RAI1: variants seen among roughly 807,000 people sequenced by gnomAD.
RAI1 encodes retinoic acid induced 1.
In RAI1, 9 loss-of-function variants were observed where a neutral mutation model predicts 123.8. The observed-to-expected ratio is 0.07, with a 90% CI of 0.04 to 0.13. RAI1 has a LOEUF of 0.13. RAI1 is among the 10% of genes least tolerant of loss of function. The probability of loss-of-function intolerance (pLI) is 1.00; values close to 1 mark genes in which losing one functional copy is unlikely to be tolerated. For synonymous variants in RAI1, 1,231 were observed against 1,127.3 expected (o/e 1.09, Z -1.84); for missense variants, 2,256 against 2,545.8 (o/e 0.89, Z 2.45).
intron 2 of RAI1, among the ~76,000 whole-genome samples, chr17:17,734,842 G>A (rs760902541): frequency 5.3e-5 from 8 of 152,168 alleles, no homozygotes; most frequent in African/African-American, 7.2e-5. Flanking sequence ...ACACCAGCTC[G>A]CGACACCAGC....
chr17:17,686,608 T>TGTGCACGC, intron 1 of RAI1, among the ~76,000 whole-genome samples: 1 of 137,852 alleles, frequency 7.3e-6, no homozygotes, highest in African/African-American at 2.8e-5. Context: ...TGTGTGTGTG[T>TGTGCACGC]GCACGCGCGC....
At chr17:17,803,667 T>G in intron 3 of RAI1, 89 bp from the exon 4 acceptor site, 1 of 1,232,546 alleles carries the variant, frequency 8.1e-7, no homozygotes, top group South Asian at 1.2e-5. Context: ...ATTACAGGCA[T>G]GAGCCACTGC....
At chr17:17,781,882 C>A (rs1224100289) in intron 2 of RAI1, among the ~76,000 whole-genome samples, 1 of 152,082 alleles carries the variant, frequency 6.6e-6, no homozygotes, top group Non-Finnish European at 1.5e-5. Flanking sequence ...GCCCCAGCTT[C>A]GTAAATGACC....
Position 17,771,346 on chromosome 17 carries a change from C to T in RAI1, c.-16-21587C>T, listed in dbSNP as rs572721258. On this transcript the variant is annotated intron_variant, in intron 2 of 5. Coordinates refer to ENST00000353383, the MANE Select transcript of RAI1 (RefSeq NM_030665.4). ...CCATGAGCCCCTGGCCTGAGCAGGT[C>T]CATGAAAGGCCCGACTAGCTGTTCA... Among the ~76,000 whole-genome samples, 10 of 152,316 alleles carry T rather than the reference C, an allele frequency of 6.6e-5. No individual in the cohort carries two copies. In the East Asian group the frequency reaches 1.9e-3, roughly 29 times the overall value.
rs1214719967 is a variant in RAI1 at position 17,797,057 on chromosome 17, G to A, written c.4109G>A (p.Gly1370Asp). The A allele has an allele frequency of 3.7e-6, 6 of 1,613,974 alleles. No individual in the cohort carries two copies. The highest frequency in any genetic ancestry group is 5.1e-6 in the Non-Finnish European group (6 of 1,180,054). Residue 1370 changes from glycine (G) to aspartate (D), a missense_variant, in exon 3 of 6, where the codon GGT becomes GAT. Transcript: ENST00000353383. The part of the protein sequence containing the change: ...SLSDKDRGLK[G>D]AGGSPVGVEE... The stretch of plus-strand genomic sequence containing the variant: ...TCCGACAAAGACCGTGGGCTCAAGG[G>A]TGCTGGGGGCAGCCCAGTGGGGGTG...
chr17:17,742,205 C>T (rs1916658563), intron 2 of RAI1, among the ~76,000 whole-genome samples: 1 of 152,218 alleles, frequency 6.6e-6, no homozygotes. Context: ...CCAGGCAGTG[C>T]CACATGGCTT....
intron 1 of RAI1, among the ~76,000 whole-genome samples, chr17:17,708,574 A>G (rs557639955): frequency 1.3e-5 from 2 of 152,214 alleles, no homozygotes; most frequent in East Asian, 3.9e-4. Context: ...GTGCCTGGCT[A>G]GGGACTCCAT....
chr17:17,776,682 T>TG, intron 2 of RAI1: 1 of 145,570 alleles, frequency 6.9e-6, no homozygotes, highest in South Asian at 2.2e-4. Context: ...TTTTTTTTTT[T>TG]TTTGAGAGAG....
chr17:17,764,904 T>A (rs2030861565), intron 2 of RAI1, among the ~76,000 whole-genome samples: 1 of 152,276 alleles, frequency 6.6e-6, no homozygotes, highest in African/African-American at 2.4e-5. Flanking sequence ...CTTCTTTTAC[T>A]ATTTATGAGA....
chr17:17,752,283 C>T (rs1325664059), intron 2 of RAI1, among the ~76,000 whole-genome samples: 6 of 152,236 alleles, frequency 3.9e-5, no homozygotes, highest in Admixed American at 3.9e-4. Context: ...TCGCACATGC[C>T]CCAGCCCCCA....
At position 17,757,916 on chromosome 17, in the gene RAI1, G is replaced by A. The variant is rs559949823; in HGVS notation, c.-17+33757G>A. Reference sequence around the variant, plus strand: ...GGGTCCTGGCATTCTGGAAGAACACGACTCAGTAGCTTTCCCCTTCTGGGC... The same window carrying A: ...GGGTCCTGGCATTCTGGAAGAACACAACTCAGTAGCTTTCCCCTTCTGGGC... On this transcript the variant is annotated intron_variant, in intron 2 of 5. Coordinates refer to ENST00000353383, the MANE Select transcript of RAI1 (RefSeq NM_030665.4). 5.9e-5 allele frequency among the ~76,000 whole-genome samples: 9 copies of A among 152,350 alleles called. No homozygotes were observed. In the South Asian group the frequency reaches 8.3e-4, roughly 14 times the overall value.
intron 2 of RAI1, among the ~76,000 whole-genome samples, chr17:17,740,701 G>C (rs1228818803): frequency 6.6e-6 from 1 of 152,162 alleles, no homozygotes; most frequent in African/African-American, 2.4e-5. Flanking sequence ...TTCAGGGAGG[G>C]AGGTCCAGGC....
chr17:17,810,582 C>T lies in RAI1; in HGVS notation c.*601C>T, dbSNP rs2032723177. On this transcript the variant is annotated 3_prime_UTR_variant, in exon 6 of 6. Coordinates refer to ENST00000353383, the MANE Select transcript of RAI1 (RefSeq NM_030665.4). The surrounding 1 kb of genome is among the most constrained non-coding windows in gnomAD (Gnocchi z 4.6). ...TTGGAACAAACCGTGCGGAACGCGT[C>T]CAGGGGCCTTCCCGCCCAGCCTTTG... 3.0e-6 allele frequency: 1 copy of T among 332,178 alleles called. No individual in the cohort carries two copies. The highest frequency in any genetic ancestry group is 6.0e-6 in the Non-Finnish European group (1 of 166,220). The allele number at this position is 332,178 out of a possible 1,614,324, so 20.6% of individuals were successfully genotyped here.
At chr17:17,700,808 TTCGTGCTCCC>T (rs1915197137) in intron 1 of RAI1, among the ~76,000 whole-genome samples, 1 of 131,724 alleles carries the variant, frequency 7.6e-6, no homozygotes, top group African/African-American at 3.8e-5. Flanking sequence ...CCGCGCCGGC[TTCGTGCTCCC>T]CCGCGCCGTC....
chr17:17,774,450 G>C (rs1167441148), intron 2 of RAI1, among the ~76,000 whole-genome samples: 1 of 152,250 alleles, frequency 6.6e-6, no homozygotes, highest in African/African-American at 2.4e-5. Flanking sequence ...GGGGCCGCAG[G>C]GGCCTCCGGC....
rs943660916 is a variant in RAI1, at chr17:17,797,508, A to G, written c.4560A>G (p.Thr1520=). The part of the protein sequence containing the change: ...PPEGRPCQPQ[T]RAQKQPGHTN... ...AGGGCAGGCCCTGCCAGCCCCAGACAAGGGCACAGAAACAGCCAGGCCACA... is the reference window on the plus strand; with the variant it reads ...AGGGCAGGCCCTGCCAGCCCCAGACGAGGGCACAGAAACAGCCAGGCCACA... Residue 1520 remains threonine, a synonymous_variant, in exon 3 of 6, where the codon ACA becomes ACG. Transcript: ENST00000353383. 10 of 1,613,386 alleles carry G rather than the reference A, an allele frequency of 6.2e-6. No individual in the cohort carries two copies. The highest frequency in any genetic ancestry group is 8.5e-6 in the Non-Finnish European group (10 of 1,179,738).
chr17:17,810,163 G>A lies in RAI1; in HGVS notation c.*182G>A. On this transcript the variant is annotated 3_prime_UTR_variant, in exon 6 of 6. Coordinates refer to ENST00000353383, the MANE Select transcript of RAI1 (RefSeq NM_030665.4). The surrounding 1 kb of genome is among the most constrained non-coding windows in gnomAD (Gnocchi z 4.6). ...GCCTAGGGCTCAGACTTGCGGCCCC[G>A]GGTTGGGAGGAAAACCCGTTCCGGA... 1 of 884,346 alleles carries A rather than the reference G, an allele frequency of 1.1e-6. No individual in the cohort carries two copies. Among genetic ancestry groups the A allele is most frequent in the Non-Finnish European group, 1.6e-6 (1 of 606,842 alleles). The allele number at this position is 884,346 out of a possible 1,614,324, so 54.8% of individuals were successfully genotyped here.
intron 1 of RAI1, chr17:17,683,845 G>T (rs953277493): frequency 6.6e-6 from 1 of 152,154 alleles, no homozygotes; most frequent in Non-Finnish European, 1.5e-5. Flanking sequence ...AGACTGTGGG[G>T]CTCTCATAGG....
At chr17:17,742,128 C>A (rs1253808454) in intron 2 of RAI1, among the ~76,000 whole-genome samples, 2 of 152,212 alleles carry the variant, frequency 1.3e-5, no homozygotes, top group Non-Finnish European at 2.9e-5. Flanking sequence ...GGGAGGTGGG[C>A]TTCTGTGGCC....
Sources: allele counts gnomAD v4.1 joint callset (sites outside exome capture counted in the v4.1 genomes callset), GRCh38; gene constraint gnomAD v4.1.1; non-coding constraint Gnocchi (gnomAD v3.1); transcripts MANE v1.5; gene names NCBI Gene and HGNC (gene_info 2026-07-23, HGNC 2026-07-21).